The following GALNT13 variants were observed in gnomAD, a reference collection of about 807,000 sequenced individuals.
GALNT13 encodes polypeptide N-acetylgalactosaminyltransferase 13, also known as UDP-GalNAc:polypeptide N-acetylgalactosaminyltransferase 13.
Under a neutral mutation model 64.2 loss-of-function variants are expected in GALNT13, and 28 were observed. That is an observed-to-expected ratio of 0.44 (90% CI 0.32 to 0.60). GALNT13 has a LOEUF of 0.60. GALNT13 is among the 20% of genes least tolerant of loss of function. GALNT13 has a pLI of 0.05. For missense variants in GALNT13, 577 were observed against 669.8 expected (o/e 0.86, Z 1.53); for synonymous variants, 214 against 224.6 (o/e 0.95, Z 0.42).
chr2:153,826,924 G>A, the GALNT13 span, among the ~76,000 whole-genome samples: 1 of 152,112 alleles, frequency 6.6e-6, no homozygotes, highest in Non-Finnish European at 1.5e-5. Flanking sequence ...AGGTACCAGA[G>A]AGACAGAATG....
rs776111419 is a variant in GALNT13, at chr2:154,259,024, C to A, written c.861C>A (p.Thr287=). 18 of 1,544,218 alleles carry A rather than the reference C, an allele frequency of 1.2e-5. No individual in the cohort carries two copies. The Admixed American group carries it at 1.9e-4, about 16-fold the overall frequency. The change falls in exon 8 of 13, where the codon ACC becomes ACA. Residue 287 remains threonine (T), a synonymous_variant. Coordinates refer to ENST00000392825, the MANE Select transcript of GALNT13 (RefSeq NM_052917.4). ...CTTTTTGTTTTTTTTCAACTAGGAC[C>A]CCTACTATGGCTGGTGGCCTATTTT... ...RKGDRTLPVR[T]PTMAGGLFSI... is the part of the protein sequence containing the mutation.
chr2:153,830,623 C>CT, the GALNT13 span, among the ~76,000 whole-genome samples: 1 of 152,024 alleles, frequency 6.6e-6, no homozygotes, highest in Non-Finnish European at 1.5e-5. Context: ...TTAACTTTCT[C>CT]TTTTACTGTT....
At chr2:153,234,114 A>G in the GALNT13 span, among the ~76,000 whole-genome samples, 419 of 152,250 alleles carry the variant, frequency 2.8e-3, 3 homozygotes, top group African/African-American at 9.1e-3. Context: ...GAAAACCTCT[A>G]TTTTGATGTC....
At chr2:154,150,510 G>A (rs200371387) in intron 4 of GALNT13, among the ~76,000 whole-genome samples, 8 of 149,380 alleles carry the variant, frequency 5.4e-5, no homozygotes, top group African/African-American at 1.5e-4. Context: ...AATGGTACCA[G>A]TTCCTCCTTG....
the GALNT13 span, among the ~76,000 whole-genome samples, chr2:153,812,592 C>A: frequency 2.0e-5 from 3 of 152,128 alleles, no homozygotes; most frequent in African/African-American, 7.2e-5. Flanking sequence ...TTACTTTGCA[C>A]CCACAACACA....
At chr2:154,195,393 G>A (rs190466538) in intron 4 of GALNT13, among the ~76,000 whole-genome samples, 11 of 151,894 alleles carry the variant, frequency 7.2e-5, no homozygotes, top group South Asian at 2.1e-4. Flanking sequence ...TCTTTCCTTC[G>A]GGGCTCTTTC....
Position 154,452,557 on chromosome 2 carries a change from A to G in GALNT13, c.*2006A>G, listed in dbSNP as rs142303052. ...ATGCATGTTATGTAGAAAATGGTCA[A>G]TGGCAAATTTTTATAAATACAGCTA... On this transcript the variant is annotated 3_prime_UTR_variant, in exon 13 of 13. Coordinates refer to ENST00000392825, the MANE Select transcript of GALNT13 (RefSeq NM_052917.4). 1 of 152,280 alleles carries G rather than the reference A, an allele frequency of 6.6e-6. No homozygotes were observed. The highest frequency in any genetic ancestry group is 1.5e-5 in the Non-Finnish European group (1 of 68,014). The allele number at this position is 152,280 out of a possible 1,614,324, so 9.4% of individuals were successfully genotyped here.
chr2:154,311,898 T>C (rs1191963685), intron 9 of GALNT13, among the ~76,000 whole-genome samples: 1 of 152,236 alleles, frequency 6.6e-6, no homozygotes, highest in East Asian at 1.9e-4. Flanking sequence ...TCTGCCGGGC[T>C]CACCAGGCGG....
intron 2 of GALNT13, among the ~76,000 whole-genome samples, chr2:153,935,338 C>T (rs1690828185): frequency 6.6e-6 from 1 of 152,180 alleles, no homozygotes; most frequent in South Asian, 2.1e-4. Context: ...CCATGGCTCA[C>T]TCAGCCCATA....
the GALNT13 span, among the ~76,000 whole-genome samples, chr2:153,311,059 G>A: frequency 6.6e-6 from 1 of 152,106 alleles, no homozygotes; most frequent in Non-Finnish European, 1.5e-5. Flanking sequence ...GCCCAAACAA[G>A]CCCATATATA....
the GALNT13 span, among the ~76,000 whole-genome samples, chr2:153,266,140 G>A: frequency 9.2e-5 from 14 of 152,210 alleles, no homozygotes; most frequent in East Asian, 3.9e-4. Context: ...GTTGTAGTCC[G>A]TTACCAAGCC....
chr2:153,558,024 A>G, the GALNT13 span, among the ~76,000 whole-genome samples: 1 of 152,220 alleles, frequency 6.6e-6, no homozygotes, highest in South Asian at 2.1e-4. Flanking sequence ...ACAGGAAGAA[A>G]CTGTTTCTTT....
the GALNT13 span, among the ~76,000 whole-genome samples, chr2:153,619,132 T>C: frequency 2.0e-5 from 3 of 152,152 alleles, no homozygotes; most frequent in East Asian, 5.8e-4. Context: ...CTAGGGAAGA[T>C]GAGTTTCTCT....
the GALNT13 span, among the ~76,000 whole-genome samples, chr2:153,548,809 G>A: frequency 1.3e-5 from 2 of 152,100 alleles, no homozygotes; most frequent in Non-Finnish European, 1.5e-5. Flanking sequence ...ATATGCTCAC[G>A]TGAAAACTTG....
chr2:153,118,108 A>AACACACAC, the GALNT13 span, among the ~76,000 whole-genome samples: 77 of 12,822 alleles, frequency 6.0e-3, no homozygotes, highest in Admixed American at 7.2e-3. Flanking sequence ...ACTATGTACC[A>AACACACAC]ACACACACAC....
At chr2:153,667,801 A>G in the GALNT13 span, among the ~76,000 whole-genome samples, 9 of 152,182 alleles carry the variant, frequency 5.9e-5, no homozygotes, top group Admixed American at 1.3e-4. Flanking sequence ...ATAAATGGCT[A>G]AATTCTCCAC....
chr2:153,963,921 G>A (rs192499200), intron 3 of GALNT13, among the ~76,000 whole-genome samples: 34 of 151,998 alleles, frequency 2.2e-4, no homozygotes, highest in Admixed American at 1.6e-3. Flanking sequence ...GAAATCTAAC[G>A]TATTTTTTTA....
the GALNT13 span, among the ~76,000 whole-genome samples, chr2:153,690,738 G>A: frequency 6.6e-6 from 1 of 152,128 alleles, no homozygotes; most frequent in Non-Finnish European, 1.5e-5. Context: ...CTCTCATGGT[G>A]TTGTGGTGAA....
Position 154,245,957 on chromosome 2 carries a change from A to T in GALNT13, c.832A>T (p.Lys278Ter). 1 of 1,613,158 alleles carries T rather than the reference A, an allele frequency of 6.2e-7. No homozygotes were observed. Among genetic ancestry groups the T allele is most frequent in the Non-Finnish European group, 8.5e-7 (1 of 1,179,304 alleles). ...TCCCCAAAGAGAAATGGACAGGAGG[A>T]AAGGAGACAGAACATTACCTGTCAG... ...PVPQREMDRRKGDRTLPVRTP... is the reference protein window; with the variant it reads ...PVPQREMDRR The change falls in exon 7 of 13, where the codon AAA becomes TAA. Residue 278 changes from lysine (K) to a stop codon, truncating the protein, a stop_gained. Transcript: ENST00000392825. LOFTEE classifies it high-confidence loss of function.
Sources: allele counts gnomAD v4.1 joint callset (sites outside exome capture counted in the v4.1 genomes callset), GRCh38; gene constraint gnomAD v4.1.1; transcripts MANE v1.5; gene names NCBI Gene and HGNC (gene_info 2026-07-23, HGNC 2026-07-21).